The following HIVEP2 variants were observed in gnomAD, a reference collection of about 807,000 sequenced individuals.
HIVEP2 encodes the protein HIVEP zinc finger 2.
In HIVEP2, 14 loss-of-function variants were observed where a neutral mutation model predicts 180.7. The ratio of observed to expected loss-of-function variants is 0.08; its 90% CI spans 0.05 to 0.12. The LOEUF is 0.12. Ranked by LOEUF, HIVEP2 falls within the 10% of genes least tolerant of loss-of-function variation. The pLI, the probability that HIVEP2 is intolerant of heterozygous loss-of-function variation, is 1.00. For synonymous variants in HIVEP2, 1,184 were observed against 1,136.4 expected, an observed-to-expected ratio of 1.04 and a Z score of -0.84; for missense variants, 2,579 against 3,008.5, an observed-to-expected ratio of 0.86 and a Z score of 3.34.
intron 1 of HIVEP2, among the ~76,000 whole-genome samples, chr6:142,873,830 T>A (rs1384199306): frequency 6.6e-6 from 1 of 152,208 alleles, no homozygotes; most frequent in Non-Finnish European, 1.5e-5. Context: ...TGAATTTTTT[T>A]AAGTTGACCA....
chr6:142,895,311 A>G (rs1223590014), intron 1 of HIVEP2, among the ~76,000 whole-genome samples: 1 of 152,054 alleles, frequency 6.6e-6, no homozygotes, highest in African/African-American at 2.4e-5. Flanking sequence ...TGTTTTTTTC[A>G]GGACTTAAAT....
intron 1 of HIVEP2, among the ~76,000 whole-genome samples, chr6:142,880,699 G>A (rs1389419885): frequency 1.3e-5 from 2 of 152,106 alleles, no homozygotes; most frequent in Non-Finnish European, 2.9e-5. Context: ...TTTGGCCTGC[G>A]TGGCTCAGAC....
chr6:142,761,895 C>T (rs1053027971), intron 7 of HIVEP2, among the ~76,000 whole-genome samples: 6 of 152,142 alleles, frequency 3.9e-5, no homozygotes, highest in Non-Finnish European at 4.4e-5. Flanking sequence ...CTCATATCTA[C>T]CCAAATACAC....
At chr6:142,829,597 G>T (rs1775021540) in intron 2 of HIVEP2, among the ~76,000 whole-genome samples, 1 of 152,204 alleles carries the variant, frequency 6.6e-6, no homozygotes, top group African/African-American at 2.4e-5. Flanking sequence ...GCAACTTGAA[G>T]GCTGAAATGC....
intron 2 of HIVEP2, among the ~76,000 whole-genome samples, chr6:142,826,989 G>C (rs1461745432): frequency 1.3e-5 from 2 of 152,186 alleles, no homozygotes; most frequent in African/African-American, 2.4e-5. Flanking sequence ...ATGAGTGAAT[G>C]AATGATTGTA....
At chr6:142,925,646 G>A (rs181356109) in intron 1 of HIVEP2, among the ~76,000 whole-genome samples, 3 of 152,162 alleles carry the variant, frequency 2.0e-5, no homozygotes, top group Admixed American at 1.3e-4. Context: ...AAATGACATC[G>A]TACTATATGC....
At chr6:142,757,229 T>C (rs1469314612) in intron 9 of HIVEP2, among the ~76,000 whole-genome samples, 2 of 152,168 alleles carry the variant, frequency 1.3e-5, no homozygotes, top group African/African-American at 4.8e-5. Flanking sequence ...GAACTGTCCC[T>C]ACATCAGGGA....
intron 2 of HIVEP2, among the ~76,000 whole-genome samples, chr6:142,820,739 T>C (rs1777011800): frequency 6.6e-6 from 1 of 152,184 alleles, no homozygotes; most frequent in Non-Finnish European, 1.5e-5. Context: ...TATCAAATAA[T>C]GTACTGTGCA....
At chr6:142,914,124 C>G (rs541819323) in intron 1 of HIVEP2, among the ~76,000 whole-genome samples, 74 of 152,276 alleles carry the variant, frequency 4.9e-4, no homozygotes, top group African/African-American at 1.7e-3. Flanking sequence ...CGTAGGTAAC[C>G]GTGGGCAAGC....
intron 2 of HIVEP2, among the ~76,000 whole-genome samples, chr6:142,822,914 A>C (rs1777078514): frequency 6.6e-6 from 1 of 152,236 alleles, no homozygotes; most frequent in South Asian, 2.1e-4. Context: ...ATACATAAGA[A>C]GTGACATTAA....
rs1406628101 is a variant in HIVEP2, at chr6:142,943,268, T to C, written c.-641+1831A>G. On this transcript the variant is annotated intron_variant, in intron 1 of 9. Transcript: ENST00000367603. The surrounding 1 kb of genome is among the most constrained non-coding windows in gnomAD (Gnocchi z 4.5). ...TAAAATTCTGCTTCTGGCACTCTTA[T>C]AAGGTGAAAAAGCAATGAGACATTT... Among the ~76,000 whole-genome samples, 2 of 152,302 alleles carry C rather than the reference T, an allele frequency of 1.3e-5. No individual in the cohort carries two copies. Among genetic ancestry groups the C allele is most frequent in the East Asian group, 1.9e-4 (1 of 5,194 alleles).
intron 2 of HIVEP2, among the ~76,000 whole-genome samples, chr6:142,800,434 A>T (rs1388498003): frequency 6.6e-6 from 1 of 152,132 alleles, no homozygotes; most frequent in Non-Finnish European, 1.5e-5. Context: ...TTCCAAGCTA[A>T]TCATCTTAAG....
intron 1 of HIVEP2, among the ~76,000 whole-genome samples, chr6:142,897,288 G>C (rs952896153): frequency 6.6e-6 from 1 of 152,102 alleles, no homozygotes; most frequent in African/African-American, 2.4e-5. Flanking sequence ...ATGTTAGAAG[G>C]GGCACAAATT....
intron 1 of HIVEP2, among the ~76,000 whole-genome samples, chr6:142,859,748 C>A (rs1395263016): frequency 2.2e-5 from 3 of 139,496 alleles, no homozygotes; most frequent in Non-Finnish European, 4.6e-5. Context: ...GCAAGAGAAT[C>A]ACTTGAACCT....
chr6:142,880,926 G>C (rs1313732851), intron 1 of HIVEP2, among the ~76,000 whole-genome samples: 1 of 152,064 alleles, frequency 6.6e-6, no homozygotes, highest in Non-Finnish European at 1.5e-5. Flanking sequence ...TGAACCACTG[G>C]GGTTCAGACG....
At chr6:142,905,561 A>G (rs1582955942) in intron 1 of HIVEP2, among the ~76,000 whole-genome samples, 2 of 152,252 alleles carry the variant, frequency 1.3e-5, no homozygotes, top group African/African-American at 2.4e-5. Flanking sequence ...TTTAATAAAT[A>G]TAAGTATTTT....
intron 4 of HIVEP2, 25 bp from the exon 5 acceptor site, chr6:142,775,150 G>T: frequency 1.2e-6 from 1 of 816,286 alleles, no homozygotes; most frequent in Non-Finnish European, 1.5e-6. Context: ...AATACAAAGA[G>T]ATTGTCATAA....
At chr6:142,869,288 C>T (rs983551793) in intron 1 of HIVEP2, among the ~76,000 whole-genome samples, 4 of 152,146 alleles carry the variant, frequency 2.6e-5, no homozygotes, top group African/African-American at 4.8e-5. Flanking sequence ...TAGCTACCTA[C>T]CTCTTCCCTG....
chr6:142,925,575 G>A (rs544292730), intron 1 of HIVEP2, among the ~76,000 whole-genome samples: 40 of 152,186 alleles, frequency 2.6e-4, no homozygotes, highest in Non-Finnish European at 4.9e-4. Flanking sequence ...TATTATTCCA[G>A]ATGTACTCAA....
Sources: allele counts gnomAD v4.1 joint callset (sites outside exome capture counted in the v4.1 genomes callset), GRCh38; gene constraint gnomAD v4.1.1; non-coding constraint Gnocchi (gnomAD v3.1); transcripts MANE v1.5; gene names NCBI Gene and HGNC (gene_info 2026-07-23, HGNC 2026-07-21).